The following ME3 variants were observed in gnomAD, a reference collection of about 807,000 sequenced individuals.
The protein encoded by ME3 is malic enzyme 3, also known as NADP-dependent malic enzyme, mitochondrial.
A neutral mutation model predicts 68.9 loss-of-function variants in ME3; 48 were observed. The observed-to-expected ratio is 0.70, with a 90% confidence interval of 0.55 to 0.89. The LOEUF (loss-of-function observed/expected upper bound fraction) is 0.89, where lower values mean the gene tolerates loss of function less well. Ranked by LOEUF, ME3 falls within the 40% of genes least tolerant of loss-of-function variation. ME3 has a pLI of 0.00. For missense variants in ME3, 675 were observed against 797.4 expected (o/e 0.85, Z 1.85); for synonymous variants, 320 against 318.8 (o/e 1.00, Z -0.04).
intron 2 of ME3, among the ~76,000 whole-genome samples, chr11:86,605,503 T>C (rs149093956): frequency 2.6e-5 from 4 of 152,352 alleles, no homozygotes; most frequent in African/African-American, 9.6e-5. Flanking sequence ...CAAAAACTGC[T>C]TAATTTAGCA....
At chr11:86,671,696 G>C (rs1273723505) in intron 2 of ME3, 66 bp downstream of exon 2, 2 of 1,573,754 alleles carry the variant, frequency 1.3e-6, no homozygotes, top group African/African-American at 2.8e-5. Context: ...GGTCCAGGGG[G>C]CGGGGCGCAA....
intron 2 of ME3, among the ~76,000 whole-genome samples, chr11:86,598,625 C>G (rs908254787): frequency 1.3e-5 from 2 of 152,190 alleles, no homozygotes; most frequent in Admixed American, 6.5e-5. Flanking sequence ...AGCTGGAGAT[C>G]TGAGAATGGG....
At position 86,528,162 on chromosome 11, in the gene ME3, T is replaced by C. The variant is rs553967987; in HGVS notation, c.468-19295A>G. Among the ~76,000 whole-genome samples, 89 of 152,172 alleles carry C rather than the reference T, an allele frequency of 5.8e-4. 3 individuals are homozygous for C. In the South Asian group the frequency reaches 0.018, roughly 31 times the overall value. On this transcript the variant is annotated intron_variant, in intron 4 of 14. Transcript: ENST00000543262. The stretch of plus-strand genomic sequence containing the variant: ...CTTAAAATAAAGGGATGGAGGAAGA[T>C]CTACCAAGCAAATGGAAAACAAAAA...
intron 8 of ME3, among the ~76,000 whole-genome samples, chr11:86,462,405 G>A (rs1243961975): frequency 6.6e-6 from 1 of 152,200 alleles, no homozygotes; most frequent in Non-Finnish European, 1.5e-5. Flanking sequence ...TAGGCTATTA[G>A]TAGCTAAGTT....
At chr11:86,481,453 CAT>C (rs2138878905) in intron 7 of ME3, among the ~76,000 whole-genome samples, 1 of 152,234 alleles carries the variant, frequency 6.6e-6, no homozygotes, top group South Asian at 2.1e-4. Context: ...CCTTCTGTGG[CAT>C]AGGAGCCTGA....
intron 2 of ME3, among the ~76,000 whole-genome samples, chr11:86,629,289 T>C (rs2135313199): frequency 6.6e-6 from 1 of 152,350 alleles, no homozygotes; most frequent in Non-Finnish European, 1.5e-5. Flanking sequence ...TGGCTTTGTC[T>C]GTGAGGTTTC....
At chr11:86,460,359 C>G (rs1950170964) in intron 8 of ME3, among the ~76,000 whole-genome samples, 2 of 152,202 alleles carry the variant, frequency 1.3e-5, no homozygotes, top group African/African-American at 2.4e-5. Context: ...GTCAGTGATT[C>G]TGAGCACATG....
At chr11:86,465,064 G>A (rs774699480) in intron 8 of ME3, 27 bp downstream of exon 8, 2 of 1,549,446 alleles carry the variant, frequency 1.3e-6, no homozygotes, top group Admixed American at 3.3e-5. Context: ...GTCCCCTGTA[G>A]CTTCATCAGG....
intron 2 of ME3, among the ~76,000 whole-genome samples, chr11:86,618,291 C>T (rs866999320): frequency 4.8e-5 from 3 of 62,564 alleles, no homozygotes; most frequent in Admixed American, 4.9e-4. Flanking sequence ...CAGAGCAAGG[C>T]TCTGTCTCAA....
intron 2 of ME3, among the ~76,000 whole-genome samples, chr11:86,596,547 G>A (rs1408768723): frequency 6.6e-6 from 1 of 152,192 alleles, no homozygotes; most frequent in Non-Finnish European, 1.5e-5. Flanking sequence ...CCTGATCAGT[G>A]CTTATATCTT....
At chr11:86,644,132 C>T (rs1197594277) in intron 2 of ME3, among the ~76,000 whole-genome samples, 3 of 152,162 alleles carry the variant, frequency 2.0e-5, no homozygotes, top group Non-Finnish European at 2.9e-5. Flanking sequence ...AGACTGGGTT[C>T]TGGTGAATCC....
At chr11:86,529,839 T>C (rs1465131024) in intron 4 of ME3, among the ~76,000 whole-genome samples, 2 of 152,198 alleles carry the variant, frequency 1.3e-5, no homozygotes, top group East Asian at 3.8e-4. Context: ...AAATTAGGTA[T>C]TGATGGGACA....
At chr11:86,446,034 A>G (rs1293223293) in intron 13 of ME3, among the ~76,000 whole-genome samples, 1 of 152,072 alleles carries the variant, frequency 6.6e-6, no homozygotes, top group Admixed American at 6.5e-5. Context: ...TGGCATTGCT[A>G]GGACGCAGGG....
chr11:86,629,040 AGAGGCCT>A (rs1318794486), intron 2 of ME3, among the ~76,000 whole-genome samples: 38 of 152,342 alleles, frequency 2.5e-4, no homozygotes, highest in Admixed American at 2.0e-3. Flanking sequence ...GTCTGCAAAG[AGAGGCCT>A]GGGAGCTACA....
At chr11:86,628,303 C>G (rs148856236) in intron 2 of ME3, among the ~76,000 whole-genome samples, 1 of 152,196 alleles carries the variant, frequency 6.6e-6, no homozygotes, top group Non-Finnish European at 1.5e-5. Context: ...CCCAATACTT[C>G]GGGAGCCACT....
intron 2 of ME3, among the ~76,000 whole-genome samples, chr11:86,645,469 C>T (rs535295839): frequency 7.2e-5 from 11 of 152,284 alleles, no homozygotes; most frequent in African/African-American, 2.2e-4. Flanking sequence ...GTGCGGAGCC[C>T]ACTGCAGCTC....
rs60324644 is a variant in ME3 at position 86,562,969 on chromosome 11, T to C, written c.184-3146A>G. Among the ~76,000 whole-genome samples, 287 of 152,184 alleles carry C rather than the reference T, an allele frequency of 1.9e-3. 1 individual carries two copies. The highest frequency in any genetic ancestry group is 6.8e-3 in the African/African-American group (282 of 41,524). Reference sequence around the variant, plus strand: ...TAATTCACTAAGGATTATCCTCCAATTGCATTCGTGTTGCTGCAAAAAACA... The same window carrying C: ...TAATTCACTAAGGATTATCCTCCAACTGCATTCGTGTTGCTGCAAAAAACA... On this transcript the variant is annotated intron_variant, in intron 2 of 14. Transcript: ENST00000543262.
chr11:86,489,358 A>G (rs1486784036), intron 6 of ME3, among the ~76,000 whole-genome samples: 1 of 152,204 alleles, frequency 6.6e-6, no homozygotes, highest in Non-Finnish European at 1.5e-5. Context: ...GATGATTGTG[A>G]TGATCAAGTG....
chr11:86,457,436 T>G, intron 8 of ME3: 4 of 932,918 alleles, frequency 4.3e-6, no homozygotes, highest in Non-Finnish European at 5.2e-6. Context: ...TCTTCTTTCT[T>G]GACCTCTCAG....
Sources: gnomAD v4.1 joint callset for allele counts (sites outside exome capture counted in the v4.1 genomes callset) on GRCh38, gnomAD v4.1.1 for gene constraint, MANE v1.5 for transcripts, NCBI Gene and HGNC (gene_info 2026-07-23, HGNC 2026-07-21) for gene names.